The following TASP1 variants were observed in gnomAD, a reference collection of about 807,000 sequenced individuals.
The protein encoded by TASP1 is threonine aspartase 1.
TASP1 carries 16 observed loss-of-function variants against 56.6 expected under a neutral mutation model. The observed-to-expected ratio is 0.28, with a 90% CI of 0.19 to 0.43. The LOEUF (loss-of-function observed/expected upper bound fraction) is 0.43. Ranked by LOEUF, TASP1 falls within the 20% of genes least tolerant of loss-of-function variation. The pLI is 1.00. For synonymous variants in TASP1, 179 were observed against 184.2 expected (o/e 0.97, Z 0.23); for missense variants, 393 against 511.6 (o/e 0.77, Z 2.24).
At position 13,464,922 on chromosome 20, in the gene TASP1, G is replaced by GTT. The variant is rs2044191687; in HGVS notation, c.985+18304_985+18305insAA. 4.6e-5 allele frequency among the ~76,000 whole-genome samples: 7 copies of GTT among 152,174 alleles called. No individual in the cohort carries two copies. The South Asian group carries it at 1.5e-3, about 32-fold the overall frequency. On this transcript the variant is annotated intron_variant, in intron 11 of 13. Transcript: ENST00000337743. ...TCATGCCTGTAATCCCAACACTTGG[G>GTT]AAAGCCGAGACAGGAAGATTGCTTG...
chr20:13,490,262 T>G (rs1010145386), intron 10 of TASP1, among the ~76,000 whole-genome samples: 1 of 152,186 alleles, frequency 6.6e-6, no homozygotes, highest in African/African-American at 2.4e-5. Flanking sequence ...AAAAAAATAC[T>G]TTAATACTTC....
intron 4 of TASP1, among the ~76,000 whole-genome samples, chr20:13,604,752 A>C (rs1009279365): frequency 1.3e-5 from 2 of 152,138 alleles, no homozygotes; most frequent in African/African-American, 4.8e-5. Context: ...AAAATGACTA[A>C]AATTTAAAAG....
At chr20:13,320,275 A>G in the TASP1 span, among the ~76,000 whole-genome samples, 4 of 152,162 alleles carry the variant, frequency 2.6e-5, no homozygotes, top group Non-Finnish European at 5.9e-5. Context: ...TACTTCCTAA[A>G]TTCCCAAATG....
chr20:13,280,116 T>C, the TASP1 span, among the ~76,000 whole-genome samples: 4 of 152,210 alleles, frequency 2.6e-5, no homozygotes, highest in African/African-American at 9.7e-5. Context: ...ATAATCACTA[T>C]ACCAATTATC....
chr20:13,495,027 T>C lies in TASP1; in HGVS notation c.875-11690A>G, dbSNP rs544550518. ...AGATGTCATGTAAAATATTTCACTATACATATTGATTATATATGTGGTATA... is the reference window on the plus strand; with the variant it reads ...AGATGTCATGTAAAATATTTCACTACACATATTGATTATATATGTGGTATA... On this transcript the variant is annotated intron_variant, in intron 10 of 13. Transcript: ENST00000337743. Among the ~76,000 whole-genome samples the C allele has an allele frequency of 1.6e-4, 24 of 151,898 alleles. No individual in the cohort carries two copies. In the South Asian group the frequency reaches 4.6e-3, roughly 29 times the overall value.
At chr20:13,541,803 C>T (rs541853851) in intron 8 of TASP1, among the ~76,000 whole-genome samples, 12 of 151,934 alleles carry the variant, frequency 7.9e-5, no homozygotes, top group African/African-American at 2.4e-4. Context: ...CAAGCAGACA[C>T]GCAACAAGAA....
the TASP1 span, among the ~76,000 whole-genome samples, chr20:13,282,608 C>T: frequency 2.0e-5 from 3 of 152,174 alleles, no homozygotes; most frequent in Non-Finnish European, 2.9e-5. Context: ...GAGCTCGTAG[C>T]ATGCCTGGGC....
the TASP1 span, among the ~76,000 whole-genome samples, chr20:13,334,146 G>A: frequency 1.3e-5 from 2 of 152,156 alleles, no homozygotes; most frequent in East Asian, 3.9e-4. Flanking sequence ...GGTAAGAAAG[G>A]GTGTGCCAAG....
the TASP1 span, among the ~76,000 whole-genome samples, chr20:13,311,516 T>C: frequency 6.6e-6 from 1 of 152,218 alleles, no homozygotes; most frequent in African/African-American, 2.4e-5. Flanking sequence ...ACTCAATAGC[T>C]GAGATATGAA....
chr20:13,315,175 G>T, the TASP1 span, among the ~76,000 whole-genome samples: 1 of 152,030 alleles, frequency 6.6e-6, no homozygotes, highest in African/African-American at 2.4e-5. Flanking sequence ...TAATAAATAT[G>T]ATAGGTATTG....
rs368632237 is a variant in TASP1 at position 13,581,113 on chromosome 20, T to C, written c.404-132A>G. On this transcript the variant is annotated intron_variant, in intron 5 of 13. Transcript: ENST00000337743. ...AATTCTTTTTCGATATATCAAATAA[T>C]ACTAATGAAAACCCTTAATAACCAT... is the stretch of plus-strand genomic sequence containing the variant. 3.2e-4 allele frequency: 231 copies of C among 722,710 alleles called. No individual in the cohort carries two copies. In the African/African-American group the frequency reaches 3.8e-3, roughly 12 times the overall value. The allele number at this position is 722,710 out of a possible 1,614,324, so 44.8% of individuals were successfully genotyped here.
chr20:13,120,419 C>T, the TASP1 span, among the ~76,000 whole-genome samples: 1 of 152,172 alleles, frequency 6.6e-6, no homozygotes, highest in Non-Finnish European at 1.5e-5. Flanking sequence ...TGTATAATTT[C>T]AATTTCACTG....
the TASP1 span, among the ~76,000 whole-genome samples, chr20:13,105,008 TA>T: frequency 6.6e-6 from 1 of 152,018 alleles, no homozygotes. Flanking sequence ...ATCATTATTT[TA>T]AAAAAAATCC....
chr20:13,244,923 A>C, the TASP1 span, among the ~76,000 whole-genome samples: 2 of 152,196 alleles, frequency 1.3e-5, no homozygotes, highest in Non-Finnish European at 2.9e-5. Context: ...ACATCAGGTC[A>C]TGTTTCTTTA....
At chr20:13,352,541 T>C in the TASP1 span, among the ~76,000 whole-genome samples, 1 of 152,206 alleles carries the variant, frequency 6.6e-6, no homozygotes, top group Admixed American at 6.5e-5. Flanking sequence ...CAAGTAAATT[T>C]ATATTCCTTC....
At chr20:13,180,997 C>T in the TASP1 span, among the ~76,000 whole-genome samples, 68,137 of 152,036 alleles carry the variant, frequency 0.45, 15,404 homozygotes, top group East Asian at 0.63. Flanking sequence ...AGCAGATGCT[C>T]ATATCCTCTT....
the TASP1 span, among the ~76,000 whole-genome samples, chr20:13,277,566 C>T: frequency 6.6e-6 from 1 of 152,286 alleles, no homozygotes; most frequent in South Asian, 2.1e-4. Flanking sequence ...CCATTACTCT[C>T]CCACGACCAT....
chr20:13,573,446 T>C (rs1222325046), intron 6 of TASP1, among the ~76,000 whole-genome samples: 5 of 152,356 alleles, frequency 3.3e-5, no homozygotes, highest in African/African-American at 9.6e-5. Context: ...GTATTGTTTA[T>C]AAGCTAACTA....
At chr20:13,588,302 GAA>G (rs2047391051) in intron 4 of TASP1, among the ~76,000 whole-genome samples, 3 of 111,188 alleles carry the variant, frequency 2.7e-5, no homozygotes, top group Admixed American at 8.7e-5. Context: ...AGGAAGGAAG[GAA>G]GGAAGAGAAA....
Sources: allele counts gnomAD v4.1 joint callset (sites outside exome capture counted in the v4.1 genomes callset), GRCh38; gene constraint gnomAD v4.1.1; transcripts MANE v1.5; gene names NCBI Gene and HGNC (gene_info 2026-07-23, HGNC 2026-07-21).